The following GSDME variants were observed in gnomAD, a reference collection of about 807,000 sequenced individuals.
GSDME encodes the protein gasdermin-E.
Under a neutral mutation model 47.5 loss-of-function variants are expected in GSDME, and 44 were observed. That is an observed-to-expected ratio of 0.93 (90% CI 0.73 to 1.19). GSDME has a LOEUF of 1.19. Ranked by LOEUF, GSDME falls within the 50% of genes most tolerant of loss-of-function variation. The probability of loss-of-function intolerance (pLI) is 0.00; values close to 1 mark genes in which losing one functional copy is unlikely to be tolerated. For missense variants in GSDME, 663 were observed against 604.2 expected (o/e 1.10, Z -1.02); for synonymous variants, 258 against 252.8 (o/e 1.02, Z -0.20).
chr7:24,743,215 A>AT (rs1284115289), intron 3 of GSDME, among the ~76,000 whole-genome samples: 1 of 152,160 alleles, frequency 6.6e-6, no homozygotes, highest in Non-Finnish European at 1.5e-5. Flanking sequence ...GTTTTATCGT[A>AT]TTTTTTATTA....
rs1041730132 is a variant in GSDME, at chr7:24,726,755, C to T, written c.405-7537G>A. On this transcript the variant is annotated intron_variant, in intron 3 of 9. Transcript: ENST00000645220. The surrounding 1 kb of genome is among the most constrained non-coding windows in gnomAD (Gnocchi z 5.6). ...CCGGGAGGTGGAACTTGCAGTGAGCCGAGATCGCCCACTGCACTCCAGCCC... is the reference window on the plus strand; with the variant it reads ...CCGGGAGGTGGAACTTGCAGTGAGCTGAGATCGCCCACTGCACTCCAGCCC... 6.7e-6 allele frequency among the ~76,000 whole-genome samples: 1 copy of T among 150,246 alleles called. No individual in the cohort carries two copies. Among genetic ancestry groups the T allele is most frequent in the South Asian group, 2.1e-4 (1 of 4,742 alleles).
the GSDME span, among the ~76,000 whole-genome samples, chr7:24,767,458 C>T: frequency 2.6e-5 from 4 of 150,992 alleles, no homozygotes; most frequent in East Asian, 7.8e-4. The surrounding 1 kb of genome is among the most constrained non-coding windows in gnomAD (Gnocchi z 5.3). Context: ...TATGCCCAGT[C>T]TCATTCTCCT....
chr7:24,717,329 C>T lies in GSDME; in HGVS notation c.622G>A (p.Val208Met). 1 of 1,614,042 alleles carries T rather than the reference C, an allele frequency of 6.2e-7. No individual in the cohort carries two copies. Among genetic ancestry groups the T allele is most frequent in the South Asian group, 1.1e-5 (1 of 91,074 alleles). The change falls in exon 5 of 10, where the codon GTG (valine) becomes ATG (methionine). Residue 208 changes from valine to methionine, a missense_variant. By Grantham distance (21) the Val-to-Met change is conservative (BLOSUM62 1). Transcript: ENST00000645220. ...DGNVTKDSNV[V>M]LEIPAATTIA... ...GTGGTGGCAGCTGGGATCTCCAGCACCACGTTGGAGTCCTTGGTGACATTC... is the reference window on the plus strand; with the variant it reads ...GTGGTGGCAGCTGGGATCTCCAGCATCACGTTGGAGTCCTTGGTGACATTC...
At chr7:24,784,049 G>A in the GSDME span, among the ~76,000 whole-genome samples, 1 of 152,264 alleles carries the variant, frequency 6.6e-6, no homozygotes, top group Non-Finnish European at 1.5e-5. Flanking sequence ...TTTTGGATGA[G>A]CCTGGCCAAG....
chr7:24,702,595 G>A (rs1788913971), intron 9 of GSDME, 165 bp downstream of exon 9: 1 of 632,320 alleles, frequency 1.6e-6, no homozygotes, highest in South Asian at 1.5e-5. Context: ...CTTCCCATGG[G>A]GTGGGATGTG....
intron 9 of GSDME, among the ~76,000 whole-genome samples, chr7:24,701,291 T>C (rs1788857969): frequency 6.6e-6 from 1 of 152,198 alleles, no homozygotes. Flanking sequence ...TCTTTGACTA[T>C]GTTGAGCAGT....
the GSDME span, among the ~76,000 whole-genome samples, chr7:24,777,315 C>T: frequency 2.0e-5 from 3 of 152,252 alleles, no homozygotes; most frequent in Non-Finnish European, 2.9e-5. Context: ...GTATATTATC[C>T]GAACCAGAGA....
the GSDME span, among the ~76,000 whole-genome samples, chr7:24,785,175 G>A: frequency 6.6e-6 from 1 of 152,084 alleles, no homozygotes; most frequent in African/African-American, 2.4e-5. Flanking sequence ...TGTACTTATT[G>A]TCTCTGGATG....
chr7:24,701,284 T>C (rs1182648151), intron 9 of GSDME, among the ~76,000 whole-genome samples: 1 of 152,210 alleles, frequency 6.6e-6, no homozygotes, highest in African/African-American at 2.4e-5. Context: ...AAGGAGGTCT[T>C]TGACTATGTT....
Position 24,706,351 on chromosome 7 carries a change from G to A in GSDME, c.1016C>T (p.Ser339Leu), listed in dbSNP as rs755785416. 17 of 1,612,946 alleles carry A rather than the reference G, an allele frequency of 1.1e-5. No homozygotes were observed. The highest frequency in any genetic ancestry group is 2.7e-5 in the African/African-American group (2 of 74,908). Residue 339 changes from serine to leucine, a missense_variant, in exon 8 of 10, where the codon TCG becomes TTG. By Grantham distance (145) the Ser-to-Leu change is moderately radical. Coordinates refer to ENST00000645220, the MANE Select transcript of GSDME (RefSeq NM_001127453.2). ...CTCCCCCAGCACCGCCACTGTGGGC[G>A]AGAGGCCGCTGACCAGGTCATCGCA... ...PVCDDLVSGL[S>L]PTVAVLGELK...
At chr7:24,793,950 G>C in the GSDME span, among the ~76,000 whole-genome samples, 4 of 152,206 alleles carry the variant, frequency 2.6e-5, no homozygotes, top group South Asian at 8.3e-4. Flanking sequence ...AAGGAATTTT[G>C]ATAGGAAGGC....
intron 5 of GSDME, chr7:24,717,050 C>G: frequency 1.6e-6 from 1 of 613,482 alleles, no homozygotes; most frequent in Non-Finnish European, 2.9e-6. Context: ...TGGCATTGCT[C>G]CAGGCATCCC....
At chr7:24,723,445 T>C (rs1363763717) in intron 3 of GSDME, among the ~76,000 whole-genome samples, 1 of 152,212 alleles carries the variant, frequency 6.6e-6, no homozygotes, top group African/African-American at 2.4e-5. Context: ...GGCTCCCCTG[T>C]GCCCGCCTAG....
chr7:24,786,215 C>T, the GSDME span, among the ~76,000 whole-genome samples: 22 of 152,272 alleles, frequency 1.4e-4, no homozygotes, highest in African/African-American at 5.1e-4. This position sits in a 1 kb window ranked among gnomAD's most constrained non-coding sequence, Gnocchi z 5.5. Context: ...GAGATAAGTT[C>T]CCCAATTCCC....
the GSDME span, among the ~76,000 whole-genome samples, chr7:24,779,341 T>C: frequency 6.6e-6 from 1 of 152,138 alleles, no homozygotes; most frequent in East Asian, 1.9e-4. This position sits in a 1 kb window ranked among gnomAD's most constrained non-coding sequence, Gnocchi z 6.0. Flanking sequence ...AACTTATTCT[T>C]GAGAAGGAAA....
chr7:24,770,434 T>C, the GSDME span, among the ~76,000 whole-genome samples: 5 of 152,206 alleles, frequency 3.3e-5, no homozygotes, highest in Non-Finnish European at 7.3e-5. The surrounding 1 kb of genome is among the most constrained non-coding windows in gnomAD (Gnocchi z 4.6). Context: ...CAGAGAATTA[T>C]TGAACCTGAG....
intron 3 of GSDME, among the ~76,000 whole-genome samples, chr7:24,729,194 C>G (rs1177140366): frequency 3.9e-5 from 6 of 152,134 alleles, no homozygotes; most frequent in Non-Finnish European, 8.8e-5. Flanking sequence ...GCAGCTGATG[C>G]CCAGAAGTGA....
At chr7:24,720,651 T>A (rs1289889991) in intron 3 of GSDME, among the ~76,000 whole-genome samples, 1 of 152,188 alleles carries the variant, frequency 6.6e-6, no homozygotes. Flanking sequence ...CACAGTGGCT[T>A]ATGCCTGTAA....
At chr7:24,776,033 A>G in the GSDME span, among the ~76,000 whole-genome samples, 1 of 151,892 alleles carries the variant, frequency 6.6e-6, no homozygotes, top group East Asian at 1.9e-4. Context: ...TACAAAAATT[A>G]GCCGGGCGTG....
Sources: allele counts gnomAD v4.1 joint callset (sites outside exome capture counted in the v4.1 genomes callset), GRCh38; gene constraint gnomAD v4.1.1; non-coding constraint Gnocchi (gnomAD v3.1); transcripts MANE v1.5; gene names NCBI Gene and HGNC (gene_info 2026-07-23, HGNC 2026-07-21).